Variants in GMCL1 observed in about 807,000 individuals in gnomAD.
The protein encoded by GMCL1 is germ cell-less protein-like 1.
A neutral mutation model predicts 75.5 loss-of-function variants in GMCL1; 54 were observed. The observed-to-expected ratio is 0.71, with a 90% CI of 0.57 to 0.90. GMCL1 has a LOEUF of 0.90. Among genes scored for constraint, GMCL1 ranks in the 40% least tolerant of loss-of-function variants. The probability of loss-of-function intolerance (pLI) is 0.00; values close to 1 mark genes in which losing one functional copy is unlikely to be tolerated. For missense variants in GMCL1, 537 were observed against 622.7 expected, an observed-to-expected ratio of 0.86 and a Z score of 1.47; for synonymous variants, 210 against 209.6, an observed-to-expected ratio of 1.00 and a Z score of -0.02.
intron 11 of GMCL1, 120 bp from the exon 12 acceptor site, chr2:69,869,599 T>C (rs1675925321): frequency 1.1e-6 from 1 of 910,416 alleles, no homozygotes; most frequent in Non-Finnish European, 1.6e-6. Flanking sequence ...TGACAAAAAG[T>C]CGACCACCCA....
Position 69,861,290 on chromosome 2 carries a change from C to G in GMCL1, c.1085C>G (p.Ser362Cys). The G allele has an allele frequency of 6.2e-7, 1 of 1,604,888 alleles. No homozygotes were observed. The highest frequency in any genetic ancestry group is 1.7e-5 in the Admixed American group (1 of 59,826). ...TCTTACATTTCAGAATGGCTCTCTT[C>G]TGTGTATAAACAGCAGTGGTTTGCT... ...DAVVPSEWLS[S>C]VYKQQWFAML... Residue 362 changes from serine to cysteine, a missense_variant, in exon 10 of 14, where the codon TCT (serine) becomes TGT (cysteine). Ser to Cys is a moderately radical substitution (Grantham distance 112). This residue lies in a region of GMCL1 where 345 missense variants were observed against 410.5 expected (regional missense o/e 0.84). Coordinates refer to ENST00000282570, the MANE Select transcript of GMCL1 (RefSeq NM_178439.5).
intron 11 of GMCL1, among the ~76,000 whole-genome samples, chr2:69,867,646 T>C (rs1675858150): frequency 6.6e-6 from 1 of 152,184 alleles, no homozygotes; most frequent in Non-Finnish European, 1.5e-5. Flanking sequence ...TAACTTTTCT[T>C]TTTCCTCATT....
chr2:69,835,192 A>G (rs1411268655), intron 1 of GMCL1, among the ~76,000 whole-genome samples: 1 of 152,136 alleles, frequency 6.6e-6, no homozygotes, highest in African/African-American at 2.4e-5. Context: ...CAAGCAAGGA[A>G]GGATCACCCA....
chr2:69,838,198 G>A (rs923451537), intron 2 of GMCL1, among the ~76,000 whole-genome samples: 9 of 151,684 alleles, frequency 5.9e-5, no homozygotes, highest in South Asian at 2.1e-4. Flanking sequence ...CATAGCTGAC[G>A]TGGTGTTGGG....
At chr2:69,872,336 C>T (rs940193173) in intron 13 of GMCL1, among the ~76,000 whole-genome samples, 1 of 152,154 alleles carries the variant, frequency 6.6e-6, no homozygotes, top group Non-Finnish European at 1.5e-5. Flanking sequence ...ATTCATACAT[C>T]ACACACATGG....
chr2:69,831,485 TG>T (rs1674670398), intron 1 of GMCL1, among the ~76,000 whole-genome samples: 1 of 152,126 alleles, frequency 6.6e-6, no homozygotes, highest in Non-Finnish European at 1.5e-5. Context: ...CTCAAACGCC[TG>T]GGTTGAAGCG....
At chr2:69,854,148 T>C (rs147123715) in intron 8 of GMCL1, among the ~76,000 whole-genome samples, 5 of 141,462 alleles carry the variant, frequency 3.5e-5, no homozygotes, top group South Asian at 2.2e-4. Context: ...TTATTATTAT[T>C]ATCATTATTA....
At chr2:69,878,762 C>A (rs1259057842) in intron 13 of GMCL1, 147 bp from the exon 14 acceptor site, 3 of 680,550 alleles carry the variant, frequency 4.4e-6, no homozygotes, top group Non-Finnish European at 8.0e-6. Context: ...TTGACAAGGT[C>A]ACACAGCTAA....
chr2:69,830,152 G>A lies in GMCL1; in HGVS notation c.260G>A (p.Arg87Lys), dbSNP rs1674630028. 3 of 1,558,548 alleles carry A rather than the reference G, an allele frequency of 1.9e-6. No homozygotes were observed. The highest frequency in any genetic ancestry group is 1.4e-5 in the African/African-American group (1 of 73,768). ...EQQRLLNTPR[R>K]KKLKSTSKYI... ...CAGCGGCTCCTCAACACCCCTCGAA[G>A]GTACGTGGGGGCACGCACCCGCGCG... Residue 87 changes from arginine to lysine, a missense_variant and splice_region_variant, in exon 1 of 14, where the codon AGG becomes AAG. By Grantham distance (26) the Arg-to-Lys change is conservative (BLOSUM62 2). This residue lies in a region of GMCL1 where 144 missense variants were observed against 127.2 expected (regional missense o/e 1.13). Coordinates refer to ENST00000282570, the MANE Select transcript of GMCL1 (RefSeq NM_178439.5).
At chr2:69,835,840 G>T (rs1020709300) in intron 1 of GMCL1, among the ~76,000 whole-genome samples, 7 of 152,208 alleles carry the variant, frequency 4.6e-5, no homozygotes. Context: ...TCCTGAACTG[G>T]TGAATTTCAC....
chr2:69,873,372 G>A (rs186768595), intron 13 of GMCL1, among the ~76,000 whole-genome samples: 5 of 152,100 alleles, frequency 3.3e-5, no homozygotes, highest in Admixed American at 1.3e-4. Context: ...AGATGTTGTC[G>A]AAAAAATAGA....
chr2:69,847,131 C>T (rs890148727), intron 6 of GMCL1, among the ~76,000 whole-genome samples: 1 of 151,820 alleles, frequency 6.6e-6, no homozygotes, highest in African/African-American at 2.4e-5. Flanking sequence ...TATGCCTGGC[C>T]TTTTTTTAAA....
intron 6 of GMCL1, among the ~76,000 whole-genome samples, chr2:69,847,326 GTA>G (rs1484168266): frequency 6.6e-6 from 1 of 152,152 alleles, no homozygotes; most frequent in Non-Finnish European, 1.5e-5. Context: ...TGAATTAAAA[GTA>G]TCCTTGTATC....
chr2:69,869,031 T>C (rs1001130621), intron 11 of GMCL1, among the ~76,000 whole-genome samples: 5 of 151,248 alleles, frequency 3.3e-5, no homozygotes, highest in Non-Finnish European at 7.4e-5. Flanking sequence ...GGCGGGCGGA[T>C]CACCTGAGGT....
chr2:69,844,337 A>C, intron 6 of GMCL1, 141 bp downstream of exon 6: 1 of 519,898 alleles, frequency 1.9e-6, no homozygotes, highest in African/African-American at 2.0e-5. Context: ...GACTACATCC[A>C]TAAACTGAAG....
At chr2:69,865,118 A>G in intron 11 of GMCL1, 143 bp downstream of exon 11, 1 of 572,816 alleles carries the variant, frequency 1.7e-6, no homozygotes, top group South Asian at 2.9e-5. Context: ...CTGCTGGGAA[A>G]GTAGTTACAG....
chr2:69,829,944 C>A lies in GMCL1; in HGVS notation c.52C>A (p.Gln18Lys). The A allele has an allele frequency of 6.2e-7, 1 of 1,600,418 alleles. No individual in the cohort carries two copies. Among genetic ancestry groups the A allele is most frequent in the East Asian group, 2.3e-5 (1 of 44,198 alleles). ...GCGCCAGCCAAGACCAGCCCTTGCC[C>A]AGCAGGCGCAGGGTGCCAGGGCGGG... ...VLRQPRPALA[Q>K]QAQGARAGGS... The change falls in exon 1 of 14, where the codon CAG (glutamine) becomes AAG (lysine). Residue 18 changes from glutamine to lysine, a missense_variant. By Grantham distance (53) the Gln-to-Lys change is moderately conservative. This residue lies in a region of GMCL1 where 144 missense variants were observed against 127.2 expected (regional missense o/e 1.13). Transcript: ENST00000282570.
intron 10 of GMCL1, among the ~76,000 whole-genome samples, chr2:69,864,180 A>G (rs1675740268): frequency 6.6e-6 from 1 of 151,994 alleles, no homozygotes; most frequent in African/African-American, 2.4e-5. Context: ...AGTCTTATTT[A>G]CACTTATTTA....
At chr2:69,838,668 C>G (rs1674894120) in intron 2 of GMCL1, among the ~76,000 whole-genome samples, 1 of 152,136 alleles carries the variant, frequency 6.6e-6, no homozygotes, top group South Asian at 2.1e-4. Context: ...TGCCCAGATA[C>G]TATATCAGAA....
Sources: gnomAD v4.1 joint callset for allele counts (sites outside exome capture counted in the v4.1 genomes callset) on GRCh38, gnomAD v4.1.1 for gene constraint, gnomAD v4.1.1 regional missense constraint, MANE v1.5 for transcripts, NCBI Gene and HGNC (gene_info 2026-07-23, HGNC 2026-07-21) for gene names.